The following COL6A6 variants were observed in gnomAD, a reference collection of about 807,000 sequenced individuals.
The protein encoded by COL6A6 is collagen alpha-6(VI) chain.
Under a neutral mutation model 208.6 loss-of-function variants are expected in COL6A6, and 183 were observed. That is an observed-to-expected ratio of 0.88 (90% CI 0.78 to 0.99). COL6A6 has a LOEUF of 0.99. COL6A6 is among the 50% of genes least tolerant of loss of function. The pLI is 0.00. For missense variants in COL6A6, 2,816 were observed against 2,815.2 expected, an observed-to-expected ratio of 1.00 and a Z score of -0.01; for synonymous variants, 973 against 1,011.8, an observed-to-expected ratio of 0.96 and a Z score of 0.73.
intron 24 of COL6A6, among the ~76,000 whole-genome samples, chr3:130,623,757 G>A (rs942814486): frequency 6.6e-6 from 1 of 152,164 alleles, no homozygotes; most frequent in African/African-American, 2.4e-5. Flanking sequence ...AGGTCTGGTT[G>A]GAGATGTAAA....
intron 28 of COL6A6, among the ~76,000 whole-genome samples, chr3:130,639,831 C>T (rs1233090446): frequency 6.6e-6 from 1 of 151,990 alleles, no homozygotes; most frequent in Non-Finnish European, 1.5e-5. Flanking sequence ...TTTGGTCTTT[C>T]TTCTTTGTCT....
chr3:130,574,392 G>C lies in COL6A6; in HGVS notation c.3414G>C (p.Gly1138=), dbSNP rs2063245342. 1 of 1,613,894 alleles carries C rather than the reference G, an allele frequency of 6.2e-7. No individual in the cohort carries two copies. ...TCGACATCTACTCCGTGGGCATTGG[G>C]GATGTGGATGACCAGCAGCTCATTC... ...RGIDIYSVGI[G]DVDDQQLIQI... is the part of the protein sequence containing the mutation. The change falls in exon 8 of 37, where the codon GGG becomes GGC. Residue 1138 remains glycine, a synonymous_variant. Transcript: ENST00000358511.
At position 130,675,436 on chromosome 3, in the gene COL6A6, A is replaced by AG; in HGVS notation, c.*40dup. 1 of 1,444,892 alleles carries AG rather than the reference A, an allele frequency of 6.9e-7. No homozygotes were observed. The highest frequency in any genetic ancestry group is 9.3e-7 in the Non-Finnish European group (1 of 1,075,120). 89.5% of individuals were successfully genotyped at this position (1,444,892 alleles called of 1,614,324 possible). A position where few individuals can be genotyped will look rare whatever the true frequency, so the allele number is the denominator to read the frequency against. Reference sequence around the variant, plus strand: ...CAACTTAGCCTTAGGAAGCATGGTAAGACTCTGGACTTAAATAGTAACTAA... The same window carrying AG: ...CAACTTAGCCTTAGGAAGCATGGTAAGGACTCTGGACTTAAATAGTAACTAA... On this transcript the variant is annotated 3_prime_UTR_variant, in exon 37 of 37. Coordinates refer to ENST00000358511, the MANE Select transcript of COL6A6 (RefSeq NM_001102608.3).
At chr3:130,647,826 G>C (rs2065506341) in intron 32 of COL6A6, among the ~76,000 whole-genome samples, 1 of 152,240 alleles carries the variant, frequency 6.6e-6, no homozygotes, top group African/African-American at 2.4e-5. Flanking sequence ...ACCTCTCCAA[G>C]AGAAACACAT....
chr3:130,561,865 G>C (rs2062896178), intron 2 of COL6A6, among the ~76,000 whole-genome samples: 1 of 150,870 alleles, frequency 6.6e-6, no homozygotes, highest in Non-Finnish European at 1.5e-5. Flanking sequence ...TGTTAGCCAG[G>C]ATGGTCTCGA....
At chr3:130,665,240 G>A (rs1188238375) in intron 36 of COL6A6, 144 bp downstream of exon 36, 11 of 563,148 alleles carry the variant, frequency 2.0e-5, no homozygotes, top group East Asian at 6.3e-5. Flanking sequence ...AATATAATTC[G>A]AAGGAACAAG....
chr3:130,522,225 T>G (rs1711115282), intron 1 of COL6A6, among the ~76,000 whole-genome samples: 1 of 152,190 alleles, frequency 6.6e-6, no homozygotes, highest in Non-Finnish European at 1.5e-5. Flanking sequence ...GTTTCATTGG[T>G]GTCTTGGTGT....
chr3:130,617,755 C>T (rs763213546), intron 23 of COL6A6, among the ~76,000 whole-genome samples: 3 of 151,980 alleles, frequency 2.0e-5, no homozygotes, highest in African/African-American at 7.3e-5. Flanking sequence ...CATACATTAC[C>T]CCCACACAAA....
chr3:130,649,077 G>C lies in COL6A6; in HGVS notation c.5248G>C (p.Glu1750Gln). 1 of 1,560,242 alleles carries C rather than the reference G, an allele frequency of 6.4e-7. No homozygotes were observed. The highest frequency in any genetic ancestry group is 8.7e-7 in the Non-Finnish European group (1 of 1,151,438). ...DRSPGRHGKP[E>Q]CPVHPTELVF... The stretch of plus-strand genomic sequence containing the variant: ...GGGATATGGTCTTTTAGGAAAACCG[G>C]AATGCCCAGTGCACCCAACCGAGTT... The change falls in exon 33 of 37, where the codon GAA becomes CAA. Residue 1750 changes from glutamate (E) to glutamine (Q), a missense_variant. Physicochemically the swap from Glu to Gln is conservative, Grantham distance 29 (BLOSUM62 2). Coordinates refer to ENST00000358511, the MANE Select transcript of COL6A6 (RefSeq NM_001102608.3).
Position 130,621,830 on chromosome 3 carries a change from G to A in COL6A6, c.4825G>A (p.Gly1609Arg), listed in dbSNP as rs1674604809. 6.2e-7 allele frequency: 1 copy of A among 1,613,846 alleles called. No homozygotes were observed. The highest frequency in any genetic ancestry group is 2.2e-5 in the East Asian group (1 of 44,876). Residue 1609 changes from glycine to arginine, a missense_variant, in exon 24 of 37, where the codon GGA becomes AGA. Gly to Arg is a moderately radical substitution (Grantham distance 125). Transcript: ENST00000358511. ...CCTTGTTTTGTTTCAGGGGCCTCCA[G>A]GACCCGGAGGAGAGGCAGGGAATCA... Reference protein sequence around the residue: ...VGSKGPQGPPGPGGEAGNQGR... With the variant: ...VGSKGPQGPPRPGGEAGNQGR...
At chr3:130,566,387 T>C (rs891227513) in intron 4 of COL6A6, among the ~76,000 whole-genome samples, 7 of 152,212 alleles carry the variant, frequency 4.6e-5, no homozygotes, top group Non-Finnish European at 8.8e-5. Context: ...ACTTGACTTT[T>C]TGCTAAGCAG....
At chr3:130,596,220 A>C (rs2063847203) in intron 18 of COL6A6, among the ~76,000 whole-genome samples, 1 of 152,220 alleles carries the variant, frequency 6.6e-6, no homozygotes, top group African/African-American at 2.4e-5. Flanking sequence ...CAAAGAATCT[A>C]ATTTAGAACC....
At chr3:130,555,931 G>A (rs1022541347) in intron 1 of COL6A6, among the ~76,000 whole-genome samples, 15 of 152,006 alleles carry the variant, frequency 9.9e-5, no homozygotes, top group African/African-American at 3.6e-4. Flanking sequence ...TTTTTTTTAA[G>A]TGGATATACT....
intron 11 of COL6A6, among the ~76,000 whole-genome samples, chr3:130,586,899 A>C (rs1021808652): frequency 6.6e-6 from 1 of 152,186 alleles, no homozygotes; most frequent in Non-Finnish European, 1.5e-5. Context: ...AAAGAGGGAA[A>C]AAGAAGAAAA....
intron 28 of COL6A6, 116 bp downstream of exon 28, chr3:130,635,877 T>C (rs2065098208): frequency 2.6e-6 from 2 of 756,668 alleles, no homozygotes; most frequent in African/African-American, 1.8e-5. Flanking sequence ...AATGCATGTG[T>C]TTTCTATTAA....
intron 24 of COL6A6, among the ~76,000 whole-genome samples, 176 bp from the exon 25 acceptor site, chr3:130,626,309 C>A (rs1009509722): frequency 2.0e-5 from 3 of 152,208 alleles, no homozygotes; most frequent in Non-Finnish European, 2.9e-5. Flanking sequence ...CTTGCTGAGG[C>A]TTCACTGATC....
At chr3:130,584,444 CCCT>C (rs1560026464) in intron 10 of COL6A6, among the ~76,000 whole-genome samples, 2 of 152,040 alleles carry the variant, frequency 1.3e-5, no homozygotes. Flanking sequence ...TCTTTTCTCC[CCCT>C]CCTCATTCTC....
chr3:130,655,144 G>T (rs1353912940), intron 33 of COL6A6, among the ~76,000 whole-genome samples: 2 of 152,090 alleles, frequency 1.3e-5, no homozygotes, highest in African/African-American at 4.8e-5. Flanking sequence ...GAGTAATATA[G>T]CCCATTGTTC....
At chr3:130,645,028 C>T (rs775001340) in intron 32 of COL6A6, 26 bp downstream of exon 32, 2 of 1,605,926 alleles carry the variant, frequency 1.2e-6, no homozygotes, top group African/African-American at 2.7e-5. Flanking sequence ...TTACAGCATG[C>T]TTTAATCAAG....
Sources: gnomAD v4.1 joint callset for allele counts (sites outside exome capture counted in the v4.1 genomes callset) on GRCh38, gnomAD v4.1.1 for gene constraint, MANE v1.5 for transcripts, NCBI Gene and HGNC (gene_info 2026-07-23, HGNC 2026-07-21) for gene names.